Variants in AKAP11 observed in about 807,000 individuals in gnomAD.
AKAP11 encodes the protein A-kinase anchor protein 11.
Under a neutral mutation model 146.1 loss-of-function variants are expected in AKAP11, and 36 were observed. The ratio of observed to expected loss-of-function variants is 0.25; its 90% CI spans 0.19 to 0.33. The LOEUF (loss-of-function observed/expected upper bound fraction) is 0.33, where lower values mean the gene tolerates loss of function less well. Ranked by LOEUF, AKAP11 falls within the 10% of genes least tolerant of loss-of-function variation. The probability of loss-of-function intolerance (pLI) is 1.00; values close to 1 mark genes in which losing one functional copy is unlikely to be tolerated. For synonymous variants in AKAP11, 780 were observed against 786.5 expected (o/e 0.99, Z 0.14); for missense variants, 2,201 against 2,197.0 (o/e 1.00, Z -0.04).
chr13:42,271,740 G>C (rs1388300793), upstream of AKAP11, among the ~76,000 whole-genome samples: 1 of 152,106 alleles, frequency 6.6e-6, no homozygotes, highest in East Asian at 1.9e-4. Flanking sequence ...AACGGACCAG[G>C]AAGCGCGCAA....
chr13:42,310,176 TG>T (rs1281825865), intron 9 of AKAP11, among the ~76,000 whole-genome samples: 1 of 152,154 alleles, frequency 6.6e-6, no homozygotes, highest in Non-Finnish European at 1.5e-5. Context: ...TGAACTTAAG[TG>T]GGGAGCAAAC....
At chr13:42,278,121 G>T (rs1239332008) in intron 1 of AKAP11, among the ~76,000 whole-genome samples, 4 of 152,132 alleles carry the variant, frequency 2.6e-5, no homozygotes, top group African/African-American at 9.7e-5. Context: ...AGACTTATCT[G>T]ACCCAAAATG....
At chr13:42,307,333 A>C (rs1192017697) in intron 8 of AKAP11, among the ~76,000 whole-genome samples, 1 of 152,132 alleles carries the variant, frequency 6.6e-6, no homozygotes, top group Non-Finnish European at 1.5e-5. Context: ...ATTCTCTTGG[A>C]GCTTATGTTA....
intron 6 of AKAP11, among the ~76,000 whole-genome samples, chr13:42,297,428 T>C (rs1959582496): frequency 6.6e-6 from 1 of 151,982 alleles, no homozygotes; most frequent in Non-Finnish European, 1.5e-5. Flanking sequence ...TGCAAGTACA[T>C]GTTAATTTTT....
At chr13:42,278,823 T>C (rs1366228733) in intron 1 of AKAP11, among the ~76,000 whole-genome samples, 1 of 152,270 alleles carries the variant, frequency 6.6e-6, no homozygotes, top group South Asian at 2.1e-4. Context: ...ATAGTTACTC[T>C]AGTGGTGGTC....
In AKAP11 at chr13:42,303,797, T is replaced by C. The variant is rs1960106583; in HGVS notation, c.5051T>C (p.Phe1684Ser). ...DSGIGQEGAS[F>S]AESLATETMT... Reference sequence around the variant, plus strand: ...GGGATCGGACAGGAGGGTGCCAGCTTTGCTGAAAGCCTTGCCACAGAAACC... The same window carrying C: ...GGGATCGGACAGGAGGGTGCCAGCTCTGCTGAAAGCCTTGCCACAGAAACC... The change falls in exon 8 of 13, where the codon TTT becomes TCT. Residue 1684 changes from phenylalanine (F) to serine (S), a missense_variant. By Grantham distance (155) the Phe-to-Ser change is radical (BLOSUM62 -2). Coordinates refer to ENST00000025301, the MANE Select transcript of AKAP11 (RefSeq NM_016248.4). The C allele has an allele frequency of 6.2e-7, 1 of 1,611,344 alleles. No homozygotes were observed. Among genetic ancestry groups the C allele is most frequent in the African/African-American group, 1.3e-5 (1 of 74,828 alleles).
At chr13:42,279,994 A>G (rs957320574) in intron 1 of AKAP11, among the ~76,000 whole-genome samples, 7 of 152,168 alleles carry the variant, frequency 4.6e-5, no homozygotes, top group East Asian at 1.9e-4. Context: ...TACCTGATAC[A>G]TTACAAGGTT....
intron 1 of AKAP11, among the ~76,000 whole-genome samples, chr13:42,279,503 C>T (rs1959011417): frequency 6.6e-6 from 1 of 152,176 alleles, no homozygotes; most frequent in South Asian, 2.1e-4. Flanking sequence ...GTATGGTTTT[C>T]GTTTCAGTAT....
At chr13:42,309,476 C>A (rs1239328766) in intron 9 of AKAP11, among the ~76,000 whole-genome samples, 2 of 152,240 alleles carry the variant, frequency 1.3e-5, no homozygotes, top group East Asian at 3.9e-4. Context: ...GGGAAGGCAA[C>A]TCTTGGAAAA....
chr13:42,285,850 T>G (rs765383304), intron 1 of AKAP11, 136 bp from the exon 2 acceptor site: 2 of 152,388 alleles, frequency 1.3e-5, no homozygotes, highest in Non-Finnish European at 2.9e-5. Flanking sequence ...GCCCAAGAAA[T>G]AAGAATGTCA....
chr13:42,283,038 A>G (rs1959096479), intron 1 of AKAP11, among the ~76,000 whole-genome samples: 1 of 152,202 alleles, frequency 6.6e-6, no homozygotes, highest in African/African-American at 2.4e-5. Context: ...ATAAGATGCT[A>G]AAGAAATCCT....
chr13:42,313,964 T>C (rs760143651), intron 11 of AKAP11, 24 bp downstream of exon 11: 3 of 1,612,142 alleles, frequency 1.9e-6, no homozygotes, highest in Non-Finnish European at 2.5e-6. Context: ...TTTTTCAAAG[T>C]GTTGGCATGT....
chr13:42,293,058 A>G (rs1229068105), intron 4 of AKAP11, among the ~76,000 whole-genome samples: 2 of 152,228 alleles, frequency 1.3e-5, no homozygotes, highest in Non-Finnish European at 2.9e-5. Flanking sequence ...TAAAAAGAGT[A>G]AGATCCTTTT....
rs2138592786 is a variant in AKAP11 at position 42,300,976 on chromosome 13, C to T, written c.2230C>T (p.Pro744Ser). The T allele has an allele frequency of 6.2e-7, 1 of 1,614,080 alleles. No individual in the cohort carries two copies. Among genetic ancestry groups the T allele is most frequent in the Non-Finnish European group, 8.5e-7 (1 of 1,179,960 alleles). The part of the protein sequence containing the change: ...VPSTQAVTFS[P>S]SFHNQAIMVT... ...ATCGACACAGGCTGTCACGTTTTCC[C>T]CTTCTTTTCACAATCAAGCAATTAT... The change falls in exon 8 of 13, where the codon CCT (proline) becomes TCT (serine). Residue 744 changes from proline (P) to serine (S), a missense_variant. This residue lies in a region of AKAP11 where 1,867 missense variants were observed against 1,833.5 expected (regional missense o/e 1.02). Transcript: ENST00000025301.
At chr13:42,294,829 CAG>C (rs1248924801) in intron 4 of AKAP11, among the ~76,000 whole-genome samples, 4 of 152,142 alleles carry the variant, frequency 2.6e-5, no homozygotes, top group Non-Finnish European at 5.9e-5. Context: ...CTCCATCATC[CAG>C]AGTTAATCAC....
chr13:42,282,260 C>CTTTTT (rs768248255), intron 1 of AKAP11, among the ~76,000 whole-genome samples: 1 of 112,390 alleles, frequency 8.9e-6, no homozygotes, highest in Non-Finnish European at 1.8e-5. Flanking sequence ...CTAGGCCAGT[C>CTTTTT]TTTTTTTTTT....
chr13:42,295,983 T>C (rs1344208679), intron 5 of AKAP11, among the ~76,000 whole-genome samples: 1 of 152,214 alleles, frequency 6.6e-6, no homozygotes, highest in Non-Finnish European at 1.5e-5. Flanking sequence ...AAGGTAAGAT[T>C]TGTAAAAATT....
intron 1 of AKAP11, among the ~76,000 whole-genome samples, chr13:42,273,475 A>G (rs993429269): frequency 6.6e-6 from 1 of 151,942 alleles, no homozygotes; most frequent in Non-Finnish European, 1.5e-5. Context: ...GAATGTCACT[A>G]TTGTAGCTGT....
intron 8 of AKAP11, among the ~76,000 whole-genome samples, chr13:42,307,125 A>G (rs1960300241): frequency 6.6e-6 from 1 of 152,206 alleles, no homozygotes; most frequent in Non-Finnish European, 1.5e-5. Context: ...AATGTGGCAC[A>G]TATTAGGAAA....
Sources: allele counts gnomAD v4.1 joint callset (sites outside exome capture counted in the v4.1 genomes callset), GRCh38; gene constraint gnomAD v4.1.1; regional missense constraint gnomAD v4.1.1; transcripts MANE v1.5; gene names NCBI Gene and HGNC (gene_info 2026-07-23, HGNC 2026-07-21).